The following UBN2 variants were observed in gnomAD, a reference collection of about 807,000 sequenced individuals.
The protein encoded by UBN2 is ubinuclein-2.
UBN2 carries 35 observed loss-of-function variants against 120.2 expected under a neutral mutation model. The observed-to-expected ratio is 0.29, with a 90% CI of 0.22 to 0.39. The LOEUF is 0.39. Among genes scored for constraint, UBN2 ranks in the 10% least tolerant of loss-of-function variants. The pLI, the probability that UBN2 is intolerant of heterozygous loss-of-function variation, is 1.00. For missense variants in UBN2, 1,693 were observed against 1,663.2 expected, an observed-to-expected ratio of 1.02 and a Z score of -0.31; for synonymous variants, 661 against 648.7, an observed-to-expected ratio of 1.02 and a Z score of -0.29.
At chr7:139,247,445 A>G (rs575575799) in intron 2 of UBN2, among the ~76,000 whole-genome samples, 2 of 152,316 alleles carry the variant, frequency 1.3e-5, no homozygotes, top group East Asian at 3.9e-4. Flanking sequence ...AAATGACCCT[A>G]TAGGTTCTAT....
rs1382884170 is a variant in UBN2, at chr7:139,261,752, T to TA, written c.1395+13dup. 6.3e-7 allele frequency: 1 copy of TA among 1,595,248 alleles called. No homozygotes were observed. Among genetic ancestry groups the TA allele is most frequent in the Non-Finnish European group, 8.6e-7 (1 of 1,167,526 alleles). ...GAAGACCTTCGTGTAGTAAGTGTAA[T>TA]AATTCTCTTGCTTTTTATTTGCTGC... On this transcript the variant is annotated intron_variant, in intron 6 of 17. Coordinates refer to ENST00000473989, the MANE Select transcript of UBN2 (RefSeq NM_173569.4).
intron 6 of UBN2, among the ~76,000 whole-genome samples, chr7:139,263,698 C>T (rs895294830): frequency 4.0e-5 from 6 of 148,428 alleles, no homozygotes; most frequent in African/African-American, 7.5e-5. Flanking sequence ...TGCTTGAACC[C>T]GGGAGGTGGA....
intron 2 of UBN2, among the ~76,000 whole-genome samples, chr7:139,247,035 CTG>C (rs1460320374): frequency 1.3e-5 from 2 of 151,894 alleles, no homozygotes; most frequent in Non-Finnish European, 2.9e-5. Context: ...GAGTGCAAGT[CTG>C]TGTGTGAATA....
chr7:139,272,589 C>T lies in UBN2; in HGVS notation c.1715+149C>T, dbSNP rs778710439. 28 of 596,022 alleles carry T rather than the reference C, an allele frequency of 4.7e-5. No homozygotes were observed. The East Asian group carries it at 7.2e-4, about 15-fold the overall frequency. 36.9% of individuals were successfully genotyped at this position (596,022 alleles called of 1,614,324 possible). On this transcript the variant is annotated intron_variant, in intron 9 of 17. Coordinates refer to ENST00000473989, the MANE Select transcript of UBN2 (RefSeq NM_173569.4). Reference sequence around the variant, plus strand: ...TTGCCCAGGCTGGAGTGGAATGGTACGATTTCGGCTCAGTACAACCTCCGC... The same window carrying T: ...TTGCCCAGGCTGGAGTGGAATGGTATGATTTCGGCTCAGTACAACCTCCGC...
At chr7:139,269,280 T>G (rs1797192095) in intron 7 of UBN2, 114 bp from the exon 8 acceptor site, 1 of 1,061,394 alleles carries the variant, frequency 9.4e-7, no homozygotes, top group Non-Finnish European at 1.3e-6. Flanking sequence ...GAATACTGTT[T>G]AGGAAATCAT....
chr7:139,297,840 C>A lies in UBN2; in HGVS notation c.*4C>A, dbSNP rs1209470437. ...ATTACCACGGAAATCTCAGTGACTG[C>A]CCAGCAAGCAAAGGAGACGAAATGT... On this transcript the variant is annotated 3_prime_UTR_variant, in exon 18 of 18. Coordinates refer to ENST00000473989, the MANE Select transcript of UBN2 (RefSeq NM_173569.4). The A allele has an allele frequency of 6.2e-7, 1 of 1,613,974 alleles. No individual in the cohort carries two copies. Among genetic ancestry groups the A allele is most frequent in the East Asian group, 2.2e-5 (1 of 44,856 alleles).
chr7:139,308,196 GTGTT>G lies in UBN2; in HGVS notation c.*10365_*10368del, dbSNP rs1014705370. 1 of 151,794 alleles carries G rather than the reference GTGTT, an allele frequency of 6.6e-6. No homozygotes were observed. The highest frequency in any genetic ancestry group is 2.1e-4 in the South Asian group (1 of 4,822). The allele number at this position is 151,794 out of a possible 1,614,324, so 9.4% of individuals were successfully genotyped here. A position where few individuals can be genotyped will look rare whatever the true frequency, so the allele number is the denominator to read the frequency against. On this transcript the variant is annotated 3_prime_UTR_variant, in exon 18 of 18. Transcript: ENST00000473989. ...TGTTTTTTCTTTTTGTATATGTTACGTGTTTGTTGTTGTATTAAATAAAGAGGAA... is the reference window on the plus strand; with the variant it reads ...TGTTTTTTCTTTTTGTATATGTTACGTGTTGTTGTATTAAATAAAGAGGAA...
In UBN2 at chr7:139,231,828, G is replaced by A. The variant is rs1796022858; in HGVS notation, c.344G>A (p.Arg115Gln). Residue 115 changes from arginine (R) to glutamine (Q), a missense_variant, in exon 1 of 18, where the codon CGG becomes CAG. Transcript: ENST00000473989. Reference sequence around the variant, plus strand: ...CCCCCGCCGCGGGAGTCGGCTTCCCGGGCTGAGCAGCCGCCGCGGCCGCCG... The same window carrying A: ...CCCCCGCCGCGGGAGTCGGCTTCCCAGGCTGAGCAGCCGCCGCGGCCGCCG... ...QPPPPRESASRAEQPPRPPRE... is the reference protein window; with the variant it reads ...QPPPPRESASQAEQPPRPPRE... The A allele has an allele frequency of 3.3e-6, 5 of 1,514,626 alleles. No homozygotes were observed. Among genetic ancestry groups the A allele is most frequent in the Non-Finnish European group, 3.5e-6 (4 of 1,137,728 alleles). The allele number at this position is 1,514,626 out of a possible 1,614,324, so 93.8% of individuals were successfully genotyped here.
Position 139,284,168 on chromosome 7 carries a change from C to G in UBN2, c.3263C>G (p.Ser1088Cys), listed in dbSNP as rs1189965812. Residue 1088 changes from serine to cysteine, a missense_variant, in exon 15 of 18, where the codon TCC (serine) becomes TGC (cysteine). Coordinates refer to ENST00000473989, the MANE Select transcript of UBN2 (RefSeq NM_173569.4). ...KSNPTPKPTV[S>C]PSSSSPNALV... ...AACCCAACTCCCAAGCCTACTGTAT[C>G]CCCAAGTAGTTCCAGTCCAAATGCA... 1 of 1,614,188 alleles carries G rather than the reference C, an allele frequency of 6.2e-7. No individual in the cohort carries two copies. Among genetic ancestry groups the G allele is most frequent in the Admixed American group, 1.7e-5 (1 of 60,008 alleles).
chr7:139,320,431 A>C, the UBN2 span, among the ~76,000 whole-genome samples: 1 of 152,038 alleles, frequency 6.6e-6, no homozygotes, highest in Non-Finnish European at 1.5e-5. Context: ...ACTGCACTCC[A>C]GCCTGGGTGA....
the UBN2 span, among the ~76,000 whole-genome samples, chr7:139,317,219 G>A: frequency 6.6e-6 from 1 of 151,814 alleles, no homozygotes; most frequent in African/African-American, 2.4e-5. Flanking sequence ...GTCTTGCTCT[G>A]CCACCCAAGC....
At chr7:139,296,057 T>G (rs566611596) in intron 17 of UBN2, among the ~76,000 whole-genome samples, 1 of 152,268 alleles carries the variant, frequency 6.6e-6, no homozygotes. Context: ...TCACTTTCTC[T>G]TGCTTGTAAA....
chr7:139,260,771 A>G (rs539147147), intron 5 of UBN2, among the ~76,000 whole-genome samples: 5 of 152,346 alleles, frequency 3.3e-5, no homozygotes, highest in South Asian at 2.1e-4. Context: ...AATGTAGGCT[A>G]TAAGTAATCC....
intron 2 of UBN2, among the ~76,000 whole-genome samples, chr7:139,238,932 A>G (rs1278428162): frequency 6.6e-6 from 1 of 152,244 alleles, no homozygotes; most frequent in African/African-American, 2.4e-5. Context: ...TATAGGATGT[A>G]TAAATCCTAA....
In UBN2 at chr7:139,300,010, A is replaced by G. The variant is rs926249422; in HGVS notation, c.*2174A>G. The stretch of plus-strand genomic sequence containing the variant: ...TACATACACACATACATTCATATAA[A>G]TGACTAGTTTGAGTCAAAAAATCAT... On this transcript the variant is annotated 3_prime_UTR_variant, in exon 18 of 18. Transcript: ENST00000473989. 6.6e-6 allele frequency: 1 copy of G among 152,166 alleles called. No individual in the cohort carries two copies. The highest frequency in any genetic ancestry group is 1.5e-5 in the Non-Finnish European group (1 of 68,020). The allele number at this position is 152,166 out of a possible 1,614,324, so 9.4% of individuals were successfully genotyped here. A position where few individuals can be genotyped will look rare whatever the true frequency, so the allele number is the denominator to read the frequency against.
At chr7:139,250,630 A>G (rs145498424) in intron 2 of UBN2, among the ~76,000 whole-genome samples, 1 of 152,166 alleles carries the variant, frequency 6.6e-6, no homozygotes, top group East Asian at 1.9e-4. Flanking sequence ...TGTTGAACCC[A>G]GCTTCCCCCA....
At chr7:139,247,725 A>AT (rs951935038) in intron 2 of UBN2, among the ~76,000 whole-genome samples, 5 of 151,990 alleles carry the variant, frequency 3.3e-5, no homozygotes, top group Non-Finnish European at 7.4e-5. Context: ...AAATCTGAGC[A>AT]TTTTTTTTCT....
rs1332006259 is a variant in UBN2 at position 139,283,005 on chromosome 7, A to T, written c.2119-19A>T. The T allele has an allele frequency of 6.7e-7, 1 of 1,490,212 alleles. No homozygotes were observed. The highest frequency in any genetic ancestry group is 1.4e-5 in the African/African-American group (1 of 70,280). The allele number at this position is 1,490,212 out of a possible 1,614,324, so 92.3% of individuals were successfully genotyped here. The stretch of plus-strand genomic sequence containing the variant: ...TTATTCACCATTTCTATTTTTTTCC[A>T]TATGATGCTTTACATTAGGAGTGTA... On this transcript the variant is annotated intron_variant, in intron 14 of 17. Coordinates refer to ENST00000473989, the MANE Select transcript of UBN2 (RefSeq NM_173569.4).
chr7:139,280,503 G>T (rs1222286375), intron 13 of UBN2, among the ~76,000 whole-genome samples: 2 of 150,062 alleles, frequency 1.3e-5, no homozygotes, highest in Non-Finnish European at 3.0e-5. Context: ...TTTGGTTTTT[G>T]TTGTTGTTGT....
Sources: gnomAD v4.1 joint callset for allele counts (sites outside exome capture counted in the v4.1 genomes callset) on GRCh38, gnomAD v4.1.1 for gene constraint, MANE v1.5 for transcripts, NCBI Gene and HGNC (gene_info 2026-07-23, HGNC 2026-07-21) for gene names.